KNTC1: variants seen among roughly 807,000 people sequenced by gnomAD.
KNTC1 encodes kinetochore associated 1.
In KNTC1, 253 loss-of-function variants were observed where a neutral mutation model predicts 314.4. That is an observed-to-expected ratio of 0.80 (90% CI 0.73 to 0.89). The LOEUF is 0.89. Among genes scored for constraint, KNTC1 ranks in the 40% least tolerant of loss-of-function variants. The probability of loss-of-function intolerance (pLI) is 0.00; values close to 1 mark genes in which losing one functional copy is unlikely to be tolerated. For missense variants in KNTC1, 2,475 were observed against 2,572.9 expected (o/e 0.96, Z 0.82); for synonymous variants, 901 against 901.4 (o/e 1.00, Z 0.01).
chr12:122,608,337 C>T (rs541193040), intron 51 of KNTC1, among the ~76,000 whole-genome samples: 1 of 152,200 alleles, frequency 6.6e-6, no homozygotes, highest in East Asian at 1.9e-4. Context: ...GCCATGTTGC[C>T]CAGGCTGATC....
At chr12:122,605,456 C>T in intron 51 of KNTC1, 41 bp downstream of exon 51, 2 of 952,372 alleles carry the variant, frequency 2.1e-6, no homozygotes, top group Non-Finnish European at 3.3e-6. Context: ...GTTGAGTATG[C>T]ACTGATGGCT....
In KNTC1 at chr12:122,602,709, T is replaced by C; in HGVS notation, c.4794T>C (p.Phe1598=). 1 of 1,614,004 alleles carries C rather than the reference T, an allele frequency of 6.2e-7. No individual in the cohort carries two copies. The highest frequency in any genetic ancestry group is 8.5e-7 in the Non-Finnish European group (1 of 1,179,866). The change falls in exon 46 of 64, where the codon TTT becomes TTC. Residue 1598 remains phenylalanine (F), a synonymous_variant. Coordinates refer to ENST00000333479, the MANE Select transcript of KNTC1 (RefSeq NM_014708.6). ...QTRLPFHLIF[F]GTAQNFWKIL... The stretch of plus-strand genomic sequence containing the variant: ...GACTGCCTTTTCACCTGATATTCTT[T>C]GGCACAGCACAGAACTTCTGGAAAA...
intron 18 of KNTC1, among the ~76,000 whole-genome samples, chr12:122,560,133 T>C (rs1180476588): frequency 6.6e-6 from 1 of 152,192 alleles, no homozygotes; most frequent in Non-Finnish European, 1.5e-5. Context: ...GACTGGCTTA[T>C]TTCACTTAGC....
rs1961648427 is a variant in KNTC1, at chr12:122,534,728, A to G, written c.194A>G (p.Gln65Arg). Residue 65 changes from glutamine (Q) to arginine (R), a missense_variant, in exon 3 of 64, where the codon CAA (glutamine) becomes CGA (arginine). Transcript: ENST00000333479. ...GATGGGTTTATTATTGTAGCCGACC[A>G]ATCAGTGATATTGCTTGACAGTATT... ...LSDGFIIVAD[Q>R]SVILLDSICR... 1.2e-6 allele frequency: 2 copies of G among 1,611,466 alleles called. No individual in the cohort carries two copies. The highest frequency in any genetic ancestry group is 8.5e-7 in the Non-Finnish European group (1 of 1,178,088).
At chr12:122,582,458 T>C (rs1868552784) in intron 33 of KNTC1, among the ~76,000 whole-genome samples, 1 of 151,838 alleles carries the variant, frequency 6.6e-6, no homozygotes, top group Non-Finnish European at 1.5e-5. Flanking sequence ...GGGAACTACC[T>C]TGCTGAGGTG....
intron 8 of KNTC1, among the ~76,000 whole-genome samples, chr12:122,545,678 A>G (rs1272206564): frequency 1.3e-5 from 2 of 152,154 alleles, no homozygotes; most frequent in Non-Finnish European, 2.9e-5. Flanking sequence ...GAAGGCTGGC[A>G]TGGTGGCTCA....
At chr12:122,567,701 G>T (rs369399986) in intron 20 of KNTC1, among the ~76,000 whole-genome samples, 52 of 152,180 alleles carry the variant, frequency 3.4e-4, no homozygotes, top group African/African-American at 1.2e-3. Flanking sequence ...AGCCAGGCAT[G>T]GTGGTGCATG....
In KNTC1 at chr12:122,622,396, TATAGATTAGAAGTCTGATTCTA is replaced by T. The variant is rs555653946; in HGVS notation, c.6370-47_6370-26del. ...AATAAAGGCTTGATACCTGTCATTC[TATAGATTAGAAGTCTGATTCTA>T]ATAGATTAGAAGTCTGATCTTAATG... On this transcript the variant is annotated intron_variant, in intron 61 of 63. Coordinates refer to ENST00000333479, the MANE Select transcript of KNTC1 (RefSeq NM_014708.6). 46 of 1,322,714 alleles carry T rather than the reference TATAGATTAGAAGTCTGATTCTA, an allele frequency of 3.5e-5. 1 individual carries two copies. The South Asian group carries it at 4.2e-4, about 12-fold the overall frequency. 81.9% of individuals were successfully genotyped at this position (1,322,714 alleles called of 1,614,324 possible). A position where few individuals can be genotyped will look rare whatever the true frequency, so the allele number is the denominator to read the frequency against.
Position 122,590,688 on chromosome 12 carries a change from C to T in KNTC1, c.4081C>T (p.Leu1361Phe). The T allele has an allele frequency of 6.2e-7, 1 of 1,613,530 alleles. No individual in the cohort carries two copies. Among genetic ancestry groups the T allele is most frequent in the Non-Finnish European group, 8.5e-7 (1 of 1,179,662 alleles). ...ACCTCAAAAAGATGTGTTTGAAAAT[C>T]TCTGGAAGCTCATAGATAAAGCATG... ...LLPQKDVFEN[L>F]WKLIDKAWQN... Residue 1361 changes from leucine (L) to phenylalanine (F), a missense_variant, in exon 41 of 64, where the codon CTC (leucine) becomes TTC (phenylalanine). Physicochemically the swap from Leu to Phe is conservative, Grantham distance 22 (BLOSUM62 0). Coordinates refer to ENST00000333479, the MANE Select transcript of KNTC1 (RefSeq NM_014708.6).
intron 34 of KNTC1, 82 bp from the exon 35 acceptor site, chr12:122,584,196 G>A (rs1466829243): frequency 1.1e-6 from 1 of 895,748 alleles, no homozygotes; most frequent in African/African-American, 1.7e-5. Context: ...TGATGGTGGT[G>A]GTGATATATT....
Position 122,584,415 on chromosome 12 carries a change from A to T in KNTC1, c.3401A>T (p.Asp1134Val), listed in dbSNP as rs371428062. 4 of 1,611,726 alleles carry T rather than the reference A, an allele frequency of 2.5e-6. No individual in the cohort carries two copies. In the African/African-American group the frequency reaches 4.0e-5, roughly 16 times the overall value. The change falls in exon 35 of 64, where the codon GAT (aspartate) becomes GTT (valine). Residue 1134 changes from aspartate (D) to valine (V), a missense_variant. Asp to Val is a radical substitution (Grantham distance 152). Coordinates refer to ENST00000333479, the MANE Select transcript of KNTC1 (RefSeq NM_014708.6). ...VGLNLPSMIHDLASQAATICS... is the reference protein window; with the variant it reads ...VGLNLPSMIHVLASQAATICS... Reference sequence around the variant, plus strand: ...CTGAATCTTCCTTCCATGATACATGATCTAGCAAGCCAAGCTGCCACCATT... The same window carrying T: ...CTGAATCTTCCTTCCATGATACATGTTCTAGCAAGCCAAGCTGCCACCATT...
chr12:122,613,190 A>G lies in KNTC1; in HGVS notation c.5701A>G (p.Thr1901Ala). 1 of 1,612,300 alleles carries G rather than the reference A, an allele frequency of 6.2e-7. No individual in the cohort carries two copies. The highest frequency in any genetic ancestry group is 8.5e-7 in the Non-Finnish European group (1 of 1,178,580). Residue 1901 changes from threonine (T) to alanine (A), a missense_variant, in exon 54 of 64, where the codon ACT becomes GCT. Transcript: ENST00000333479. ...QCLFYLADKE[T>A]IESLFKKPIE... is the part of the protein sequence containing the mutation. Reference sequence around the variant, plus strand: ...TCTCTTCTATTTGGCTGACAAGGAAACTATAGAATCTCTCTTTAAAAAACC... The same window carrying G: ...TCTCTTCTATTTGGCTGACAAGGAAGCTATAGAATCTCTCTTTAAAAAACC...
At chr12:122,546,978 G>A (rs1309154146) in intron 10 of KNTC1, among the ~76,000 whole-genome samples, 1 of 150,716 alleles carries the variant, frequency 6.6e-6, no homozygotes, top group African/African-American at 2.4e-5. Context: ...GATTACAGGC[G>A]CCCATCACCA....
At chr12:122,555,621 G>A (rs995338236) in intron 16 of KNTC1, among the ~76,000 whole-genome samples, 9 of 151,960 alleles carry the variant, frequency 5.9e-5, no homozygotes, top group African/African-American at 7.3e-5. Flanking sequence ...AGGCCAGGGC[G>A]GGCAGATCAC....
At chr12:122,537,479 C>T (rs1961934922) in intron 3 of KNTC1, among the ~76,000 whole-genome samples, 2 of 150,014 alleles carry the variant, frequency 1.3e-5, no homozygotes, top group Non-Finnish European at 3.0e-5. Flanking sequence ...AGTGCAGTGG[C>T]GTGATTTCAG....
intron 53 of KNTC1, chr12:122,611,491 C>T (rs1275078231): frequency 6.6e-6 from 1 of 152,376 alleles, no homozygotes; most frequent in African/African-American, 2.4e-5. Flanking sequence ...AAAAAGCCTC[C>T]CCTTATATTC....
chr12:122,590,145 A>G (rs1869976319), intron 40 of KNTC1, among the ~76,000 whole-genome samples: 1 of 152,012 alleles, frequency 6.6e-6, no homozygotes, highest in Non-Finnish European at 1.5e-5. Context: ...TAGCACAAAG[A>G]TCTTTGGTAT....
At chr12:122,573,479 C>A (rs1251639968) in intron 26 of KNTC1, among the ~76,000 whole-genome samples, 194 bp downstream of exon 26, 1 of 152,128 alleles carries the variant, frequency 6.6e-6, no homozygotes, top group Middle Eastern at 3.2e-3. Flanking sequence ...GGACTGTGAA[C>A]CCGGAAAATC....
chr12:122,606,599 G>A (rs2138134422), intron 51 of KNTC1, among the ~76,000 whole-genome samples: 1 of 152,136 alleles, frequency 6.6e-6, no homozygotes, highest in East Asian at 1.9e-4. Context: ...TGTCTTGTAT[G>A]AAAGAAATGG....
Sources: allele counts gnomAD v4.1 joint callset (sites outside exome capture counted in the v4.1 genomes callset), GRCh38; gene constraint gnomAD v4.1.1; transcripts MANE v1.5; gene names NCBI Gene and HGNC (gene_info 2026-07-23, HGNC 2026-07-21).